The following C9orf85 variants were observed in gnomAD, a reference collection of about 807,000 sequenced individuals.
C9orf85 encodes the protein uncharacterized protein C9orf85.
In C9orf85, 16 loss-of-function variants were observed where a neutral mutation model predicts 14.9. The ratio of observed to expected loss-of-function variants is 1.08; its 90% CI spans 0.73 to 1.63. The LOEUF is 1.63. Ranked by LOEUF, C9orf85 falls within the 40% of genes most tolerant of loss-of-function variation. C9orf85 has a pLI of 0.00. For synonymous variants in C9orf85, 45 were observed against 56.8 expected, an observed-to-expected ratio of 0.79 and a Z score of 0.93; for missense variants, 172 against 186.1, an observed-to-expected ratio of 0.92 and a Z score of 0.44.
rs201998753 is a variant in C9orf85 at position 71,972,822 on chromosome 9, G to A, written c.454G>A (p.Gly152Arg). The change falls in exon 4 of 4, where the codon GGA (glycine) becomes AGA (arginine). Residue 152 changes from glycine to arginine, a missense_variant. By Grantham distance (125) the Gly-to-Arg change is moderately radical. Coordinates refer to ENST00000334731, the MANE Select transcript of C9orf85 (RefSeq NM_182505.5). ...DFDIDLEDTG[G>R]DHQMN ...TGATATTGATTTAGAAGACACAGGA[G>A]GAGACCATCAAATGAATTAATATCA... 161 of 1,608,382 alleles carry A rather than the reference G, an allele frequency of 1.0e-4. No individual in the cohort carries two copies. The Admixed American group carries it at 2.1e-3, about 21-fold the overall frequency.
chr9:71,934,499 T>G (rs1828143650), intron 1 of C9orf85, among the ~76,000 whole-genome samples: 1 of 152,192 alleles, frequency 6.6e-6, no homozygotes, highest in Admixed American at 6.5e-5. Context: ...AAAAGACACT[T>G]ATCAACAGAG....
intron 1 of C9orf85, among the ~76,000 whole-genome samples, chr9:71,938,953 T>C (rs1265315479): frequency 1.3e-5 from 2 of 151,580 alleles, no homozygotes; most frequent in Non-Finnish European, 3.0e-5. Context: ...TATGGAAAAA[T>C]GAATGTTATA....
intron 2 of C9orf85, among the ~76,000 whole-genome samples, chr9:71,949,798 C>T (rs1361328646): frequency 6.6e-6 from 1 of 152,152 alleles, no homozygotes; most frequent in Non-Finnish European, 1.5e-5. Context: ...GTAAACTAAA[C>T]AGCAGGGCTT....
At chr9:71,978,389 C>A (rs1187223182), downstream of C9orf85, among the ~76,000 whole-genome samples, 1 of 152,178 alleles carries the variant, frequency 6.6e-6, no homozygotes, top group East Asian at 1.9e-4. Context: ...AGATTACAGG[C>A]ATGAGCCACT....
chr9:71,950,696 T>C (rs1458937198), intron 2 of C9orf85, among the ~76,000 whole-genome samples: 1 of 152,224 alleles, frequency 6.6e-6, no homozygotes, highest in Non-Finnish European at 1.5e-5. Flanking sequence ...TATAAAGATT[T>C]ATTTTTCTGC....
chr9:71,927,481 C>T (rs574614435), intron 1 of C9orf85, among the ~76,000 whole-genome samples: 1 of 152,208 alleles, frequency 6.6e-6, no homozygotes, highest in East Asian at 1.9e-4. Flanking sequence ...ACTCATAGTT[C>T]CAGGTTTCAA....
intron 2 of C9orf85, among the ~76,000 whole-genome samples, chr9:71,950,519 A>C (rs1054157982): frequency 2.0e-5 from 3 of 151,920 alleles, no homozygotes; most frequent in African/African-American, 7.3e-5. Flanking sequence ...AGGCACACAC[A>C]TGCCACTGTG....
At chr9:71,944,582 A>G (rs1176491440) in intron 1 of C9orf85, among the ~76,000 whole-genome samples, 1 of 152,164 alleles carries the variant, frequency 6.6e-6, no homozygotes. Flanking sequence ...AGTAATTGCC[A>G]AAATAGGGTT....
chr9:71,983,340 C>A (rs1201499651), downstream of C9orf85: 1 of 152,198 alleles, frequency 6.6e-6, no homozygotes, highest in Non-Finnish European at 1.5e-5. Context: ...TATATCTTCA[C>A]TGGTGAAATG....
chr9:71,943,716 C>CT (rs1822006300), intron 1 of C9orf85, among the ~76,000 whole-genome samples: 2 of 151,104 alleles, frequency 1.3e-5, no homozygotes, highest in South Asian at 4.2e-4. Flanking sequence ...TAATTTTGTA[C>CT]TTTTAGTAGA....
downstream of C9orf85, chr9:71,984,561 A>G (rs1823174903): frequency 6.6e-6 from 1 of 152,302 alleles, no homozygotes; most frequent in African/African-American, 2.4e-5. Flanking sequence ...AGGCAGGCCA[A>G]AATGGCTCAG....
intron 1 of C9orf85, among the ~76,000 whole-genome samples, chr9:71,915,243 G>A (rs935009661): frequency 8.6e-5 from 13 of 150,596 alleles, no homozygotes; most frequent in Non-Finnish European, 1.8e-4. Flanking sequence ...GTGCAGTGGC[G>A]TGATATGGAT....
Position 71,911,664 on chromosome 9 carries a change from A to C in C9orf85, c.-71A>C. 2 of 1,268,850 alleles carry C rather than the reference A, an allele frequency of 1.6e-6. No homozygotes were observed. Among genetic ancestry groups the C allele is most frequent in the Non-Finnish European group, 2.3e-6 (2 of 865,872 alleles). 78.6% of individuals were successfully genotyped at this position (1,268,850 alleles called of 1,614,324 possible). A position where few individuals can be genotyped will look rare whatever the true frequency, so the allele number is the denominator to read the frequency against. ...ATTGACAGAAGCGTCAATTCCTGGG[A>C]GTAGTTCGTTGGTTTTCTTTCCCCT... On this transcript the variant is annotated 5_prime_UTR_variant, in exon 1 of 4. Transcript: ENST00000334731.
chr9:71,936,069 T>G (rs993411238), intron 1 of C9orf85, among the ~76,000 whole-genome samples: 1 of 152,068 alleles, frequency 6.6e-6, no homozygotes, highest in Non-Finnish European at 1.5e-5. Flanking sequence ...ACCTAAGTTT[T>G]TTTATCTAAA....
intron 2 of C9orf85, among the ~76,000 whole-genome samples, chr9:71,947,879 C>G (rs1043658308): frequency 6.6e-6 from 1 of 152,190 alleles, no homozygotes; most frequent in Admixed American, 6.5e-5. Flanking sequence ...CTCCTGACCT[C>G]AGGTGATCTG....
At chr9:71,940,465 T>C (rs1396063943) in intron 1 of C9orf85, among the ~76,000 whole-genome samples, 1 of 152,074 alleles carries the variant, frequency 6.6e-6, no homozygotes, top group African/African-American at 2.4e-5. Flanking sequence ...AAACCCACGA[T>C]GGCAAGTAAA....
In C9orf85 at chr9:71,929,871, A is replaced by T. The variant is rs868816954; in HGVS notation, c.103-17135A>T. ...TTAATAGCATGCCTTAAACTTAAAGATATCTTTTTATGGATTCTGCCTCTG... is the reference window on the plus strand; with the variant it reads ...TTAATAGCATGCCTTAAACTTAAAGTTATCTTTTTATGGATTCTGCCTCTG... On this transcript the variant is annotated intron_variant, in intron 1 of 3. Transcript: ENST00000334731. 1.2e-4 allele frequency among the ~76,000 whole-genome samples: 18 copies of T among 147,006 alleles called. 1 individual carries two copies. Among genetic ancestry groups the T allele is most frequent in the Non-Finnish European group, 2.2e-4 (15 of 66,712 alleles).
At chr9:71,941,025 C>A (rs911277999) in intron 1 of C9orf85, among the ~76,000 whole-genome samples, 3 of 152,118 alleles carry the variant, frequency 2.0e-5, no homozygotes, top group African/African-American at 7.2e-5. Context: ...AATTAGAGAA[C>A]TTTTTGGAGT....
chr9:71,978,978 TG>T (rs1239423127), intron 3 of C9orf85, among the ~76,000 whole-genome samples: 2 of 152,202 alleles, frequency 1.3e-5, no homozygotes, highest in Non-Finnish European at 2.9e-5. Context: ...GAAGTTGCAG[TG>T]ATCTGAGGTT....
Sources: gnomAD v4.1 joint callset for allele counts (sites outside exome capture counted in the v4.1 genomes callset) on GRCh38, gnomAD v4.1.1 for gene constraint, MANE v1.5 for transcripts, NCBI Gene and HGNC (gene_info 2026-07-23, HGNC 2026-07-21) for gene names.